Variants in UBQLN1 observed in about 807,000 individuals in gnomAD.
The protein encoded by UBQLN1 is ubiquilin-1.
A neutral mutation model predicts 65.4 loss-of-function variants in UBQLN1; 13 were observed. The observed-to-expected ratio is 0.20, with a 90% CI of 0.13 to 0.32. The LOEUF is 0.32. UBQLN1 is among the 10% of genes least tolerant of loss of function. The probability of loss-of-function intolerance (pLI) is 1.00; values close to 1 mark genes in which losing one functional copy is unlikely to be tolerated. For synonymous variants in UBQLN1, 267 were observed against 247.8 expected (o/e 1.08, Z -0.73); for missense variants, 561 against 724.0 (o/e 0.77, Z 2.58).
chr9:83,683,092 T>C (rs1831973539), intron 2 of UBQLN1, 26 bp from the exon 3 acceptor site: 1 of 1,518,838 alleles, frequency 6.6e-7, no homozygotes, highest in Admixed American at 1.7e-5. Context: ...AATCACAGAG[T>C]AAGCAGTAGA....
intron 1 of UBQLN1, among the ~76,000 whole-genome samples, chr9:83,702,786 G>A (rs908585031): frequency 1.3e-5 from 2 of 151,794 alleles, no homozygotes; most frequent in Admixed American, 6.5e-5. Flanking sequence ...ACAGTATAAC[G>A]TTAAATCATG....
chr9:83,677,166 G>A (rs1448044497), intron 6 of UBQLN1, among the ~76,000 whole-genome samples: 1 of 152,076 alleles, frequency 6.6e-6, no homozygotes, highest in Non-Finnish European at 1.5e-5. Flanking sequence ...TACAAAACCA[G>A]GCTAAAGACA....
At chr9:83,706,272 G>A (rs1184912658) in intron 1 of UBQLN1, among the ~76,000 whole-genome samples, 1 of 152,162 alleles carries the variant, frequency 6.6e-6, no homozygotes, top group African/African-American at 2.4e-5. Context: ...TTATAATACC[G>A]TAAAATGCTA....
intron 7 of UBQLN1, chr9:83,667,400 CG>C: frequency 1.5e-6 from 1 of 650,420 alleles, no homozygotes; most frequent in Non-Finnish European, 1.9e-6. Context: ...AGAAGTTAAC[CG>C]TATTTAAGAG....
At chr9:83,664,849 G>A (rs1831617155) in intron 9 of UBQLN1, among the ~76,000 whole-genome samples, 181 bp downstream of exon 9, 1 of 149,118 alleles carries the variant, frequency 6.7e-6, no homozygotes, top group Non-Finnish European at 1.5e-5. Flanking sequence ...AGCCCGAGAG[G>A]TCGAGGCTGC....
chr9:83,693,335 C>T (rs1245698090), intron 1 of UBQLN1, among the ~76,000 whole-genome samples: 2 of 152,300 alleles, frequency 1.3e-5, no homozygotes, highest in Non-Finnish European at 2.9e-5. Flanking sequence ...AATTGTTTTC[C>T]ATTCTACTGA....
intron 10 of UBQLN1, 21 bp downstream of exon 10, chr9:83,663,854 T>C (rs1564158640): frequency 2.5e-6 from 4 of 1,590,296 alleles, no homozygotes; most frequent in Admixed American, 3.8e-5. Flanking sequence ...ATACAAAACT[T>C]GAATGGAAAA....
chr9:83,681,887 G>GA (rs763238469), intron 3 of UBQLN1, among the ~76,000 whole-genome samples: 2 of 152,168 alleles, frequency 1.3e-5, no homozygotes, highest in Non-Finnish European at 2.9e-5. Context: ...ACAGCAGAAT[G>GA]AAAAATGACT....
intron 10 of UBQLN1, 120 bp downstream of exon 10, chr9:83,663,755 C>G (rs1831599210): frequency 2.7e-6 from 3 of 1,121,392 alleles, no homozygotes; most frequent in Non-Finnish European, 3.7e-6. Context: ...CTGTATTTTT[C>G]ATTAATCTAA....
rs1831542519 is a variant in UBQLN1 at position 83,660,264 on chromosome 9, T to C, written c.*1523A>G. ...AATAGCAAGCAACATACAGAAGTAATGCAATCAACTTGTATTTCCCTTGAT... is the reference window on the plus strand; with the variant it reads ...AATAGCAAGCAACATACAGAAGTAACGCAATCAACTTGTATTTCCCTTGAT... On this transcript the variant is annotated 3_prime_UTR_variant, in exon 11 of 11. Transcript: ENST00000376395. The C allele has an allele frequency of 6.6e-6, 1 of 152,670 alleles. No individual in the cohort carries two copies. Among genetic ancestry groups the C allele is most frequent in the Non-Finnish European group, 1.5e-5 (1 of 68,046 alleles). 9.5% of individuals were successfully genotyped at this position (152,670 alleles called of 1,614,324 possible).
At chr9:83,693,318 G>A (rs1333026219) in intron 1 of UBQLN1, among the ~76,000 whole-genome samples, 1 of 152,166 alleles carries the variant, frequency 6.6e-6, no homozygotes, top group African/African-American at 2.4e-5. Context: ...CTCTGTTTGA[G>A]CACCAAAATT....
chr9:83,667,434 A>C, intron 7 of UBQLN1: 1 of 937,330 alleles, frequency 1.1e-6, no homozygotes, highest in Middle Eastern at 5.5e-4. Context: ...TGGTAGAGAA[A>C]ATTCGCCCCA....
chr9:83,692,788 G>T (rs1202196592), intron 1 of UBQLN1, among the ~76,000 whole-genome samples: 2 of 152,192 alleles, frequency 1.3e-5, no homozygotes, highest in African/African-American at 2.4e-5. Context: ...GGAGGTGGAG[G>T]TTGTGGTGAG....
At chr9:83,696,671 AC>A (rs1342136571) in intron 1 of UBQLN1, among the ~76,000 whole-genome samples, 6 of 152,050 alleles carry the variant, frequency 3.9e-5, no homozygotes, top group African/African-American at 1.4e-4. Flanking sequence ...CCAACTAGGT[AC>A]AAAATATTGC....
At position 83,667,486 on chromosome 9, in the gene UBQLN1, C is replaced by T. The variant is rs368977783; in HGVS notation, c.1249-1053G>A. ...CTTTTAGTTAATTTCAATACAATAA[C>T]AAAAGCAGATGTCAGACAACCTTTC... is the stretch of plus-strand genomic sequence containing the variant. On this transcript the variant is annotated intron_variant, in intron 7 of 10. Transcript: ENST00000376395. The T allele has an allele frequency of 3.0e-6, 3 of 985,110 alleles. No homozygotes were observed. In the East Asian group the frequency reaches 3.4e-4, roughly 112 times the overall value. The allele number at this position is 985,110 out of a possible 1,614,324, so 61.0% of individuals were successfully genotyped here.
intron 7 of UBQLN1, 187 bp from the exon 8 acceptor site, chr9:83,666,620 A>C (rs1300376122): frequency 2.0e-6 from 1 of 502,758 alleles, no homozygotes; most frequent in East Asian, 3.0e-5. Context: ...CAAAAACAAA[A>C]AAATGAGGCA....
chr9:83,702,772 CTATACAGTATA>C (rs1486863372), intron 1 of UBQLN1, among the ~76,000 whole-genome samples: 1 of 152,060 alleles, frequency 6.6e-6, no homozygotes, highest in Non-Finnish European at 1.5e-5. Flanking sequence ...TAGATCCACA[CTATACAGTATA>C]ACGTTAAATC....
chr9:83,704,108 C>T (rs1832356953), intron 1 of UBQLN1, among the ~76,000 whole-genome samples: 1 of 152,176 alleles, frequency 6.6e-6, no homozygotes, highest in Non-Finnish European at 1.5e-5. Context: ...CTTCGGCTTA[C>T]CCTCTGACCC....
intron 1 of UBQLN1, among the ~76,000 whole-genome samples, chr9:83,702,900 T>C (rs892158982): frequency 2.8e-4 from 43 of 152,290 alleles, no homozygotes; most frequent in Non-Finnish European, 4.1e-4. Context: ...TCCCAGAAGT[T>C]TGCACTGACA....
Sources: allele counts gnomAD v4.1 joint callset (sites outside exome capture counted in the v4.1 genomes callset), GRCh38; gene constraint gnomAD v4.1.1; transcripts MANE v1.5; gene names NCBI Gene and HGNC (gene_info 2026-07-23, HGNC 2026-07-21).